Variants in SUCO observed in about 807,000 individuals in gnomAD.
The protein encoded by SUCO is SUN domain containing ossification factor.
SUCO carries 57 observed loss-of-function variants against 148.1 expected under a neutral mutation model. The observed-to-expected ratio is 0.38, with a 90% CI of 0.31 to 0.48. SUCO has a LOEUF of 0.48. SUCO is among the 20% of genes least tolerant of loss of function. The probability of loss-of-function intolerance (pLI) is 0.96; values close to 1 mark genes in which losing one functional copy is unlikely to be tolerated. For missense variants in SUCO, 1,331 were observed against 1,468.2 expected (o/e 0.91, Z 1.53); for synonymous variants, 470 against 502.7 (o/e 0.93, Z 0.87).
intron 22 of SUCO, among the ~76,000 whole-genome samples, chr1:172,604,243 G>T (rs1657712041): frequency 6.6e-6 from 1 of 151,688 alleles, no homozygotes; most frequent in Non-Finnish European, 1.5e-5. Context: ...ATTTTTTAGG[G>T]CCAAACAGAG....
At chr1:172,594,817 A>G (rs1389625930) in intron 19 of SUCO, among the ~76,000 whole-genome samples, 2 of 152,200 alleles carry the variant, frequency 1.3e-5, no homozygotes, top group Admixed American at 6.5e-5. Context: ...GCTGAGTTCA[A>G]GTCCTGGATA....
chr1:172,589,388 C>T lies in SUCO; in HGVS notation c.2287C>T (p.Pro763Ser). Residue 763 changes from proline (P) to serine (S), a missense_variant, in exon 18 of 24, where the codon CCA (proline) becomes TCA (serine). Transcript: ENST00000263688. The part of the protein sequence containing the change: ...VEYEAGHIPS[P>S]VIPQESSVEI... ...ATATGAGGCAGGACATATACCATCA[C>T]CAGTGATTCCCCAAGAGAGTTCTGT... 6.2e-7 allele frequency: 1 copy of T among 1,613,660 alleles called. No individual in the cohort carries two copies. The highest frequency in any genetic ancestry group is 8.5e-7 in the Non-Finnish European group (1 of 1,179,820).
At chr1:172,545,167 A>G (rs1214776831) in intron 1 of SUCO, among the ~76,000 whole-genome samples, 1 of 152,166 alleles carries the variant, frequency 6.6e-6, no homozygotes, top group Non-Finnish European at 1.5e-5. Flanking sequence ...AAAGGAAGCT[A>G]ATGTATTCAA....
chr1:172,590,282 A>C, intron 18 of SUCO: 1 of 967,584 alleles, frequency 1.0e-6, no homozygotes, highest in Non-Finnish European at 1.2e-6. Context: ...ATAGACCTTA[A>C]AGCTTTTAGT....
At chr1:172,588,638 A>C (rs1656399513) in intron 17 of SUCO, 122 bp from the exon 18 acceptor site, 1 of 1,266,336 alleles carries the variant, frequency 7.9e-7, no homozygotes, top group African/African-American at 1.5e-5. Flanking sequence ...TTATCCAAAA[A>C]CAAATTTCTT....
At chr1:172,548,455 A>G (rs1013896380) in intron 1 of SUCO, among the ~76,000 whole-genome samples, 3 of 151,604 alleles carry the variant, frequency 2.0e-5, no homozygotes, top group Non-Finnish European at 4.4e-5. Context: ...GTTTCTTTGC[A>G]TTTGTACTCT....
chr1:172,562,459 A>G lies in SUCO; in HGVS notation c.732+4665A>G, dbSNP rs368549618. Among the ~76,000 whole-genome samples the G allele has an allele frequency of 8.6e-5, 13 of 151,022 alleles. No individual in the cohort carries two copies. The East Asian group carries it at 2.3e-3, about 27-fold the overall frequency. ...AGTGATTCTCTTGCCTCAGCCTCCC[A>G]TAGCTGGGACTACAGGCGTGCACCA... On this transcript the variant is annotated intron_variant, in intron 6 of 23. Transcript: ENST00000263688.
At position 172,585,966 on chromosome 1, in the gene SUCO, A is replaced by G. The variant is rs775254542; in HGVS notation, c.1658+18A>G. ...TCTCCTGAGTAAGTTATAATGTGAT[A>G]TTAAATAGAATTTTGTTACAATGGA... On this transcript the variant is annotated intron_variant, in intron 17 of 23. Transcript: ENST00000263688. The G allele has an allele frequency of 4.7e-6, 7 of 1,487,590 alleles. No homozygotes were observed. In the African/African-American group the frequency reaches 9.9e-5, roughly 21 times the overall value. 92.1% of individuals were successfully genotyped at this position (1,487,590 alleles called of 1,614,324 possible).
chr1:172,588,258 T>C lies in SUCO; in HGVS notation c.1659-502T>C, dbSNP rs918788480. 4.1e-6 allele frequency: 4 copies of C among 985,338 alleles called. No individual in the cohort carries two copies. In the South Asian group the frequency reaches 1.4e-4, roughly 35 times the overall value. The allele number at this position is 985,338 out of a possible 1,614,324, so 61.0% of individuals were successfully genotyped here. ...ATGTTTGAGACCAACCTAGCTGCCT[T>C]TTGAAAATAGGGTATTCAAGTACAA... On this transcript the variant is annotated intron_variant, in intron 17 of 23. Coordinates refer to ENST00000263688, the MANE Select transcript of SUCO (RefSeq NM_014283.5).
At chr1:172,592,619 CT>C (rs1418997927) in intron 19 of SUCO, among the ~76,000 whole-genome samples, 2 of 152,168 alleles carry the variant, frequency 1.3e-5, no homozygotes, top group Non-Finnish European at 2.9e-5. Flanking sequence ...GGGTTCTGTT[CT>C]GTTCCATTGG....
chr1:172,572,207 A>G (rs1655068942), intron 9 of SUCO, among the ~76,000 whole-genome samples: 1 of 148,626 alleles, frequency 6.7e-6, no homozygotes, highest in Admixed American at 6.7e-5. Flanking sequence ...TGTACCCAAC[A>G]GCTCATTGAG....
intron 19 of SUCO, among the ~76,000 whole-genome samples, chr1:172,593,277 G>A (rs937492975): frequency 1.3e-5 from 2 of 152,124 alleles, no homozygotes; most frequent in African/African-American, 4.8e-5. Flanking sequence ...TCTTTCTCCT[G>A]CCTGATTGCC....
intron 19 of SUCO, among the ~76,000 whole-genome samples, chr1:172,596,095 C>T (rs1657075268): frequency 1.3e-5 from 2 of 152,290 alleles, no homozygotes; most frequent in South Asian, 4.1e-4. Flanking sequence ...GTGCATGAGT[C>T]ACGTAGTTCT....
intron 23 of SUCO, chr1:172,609,214 C>T: frequency 1.1e-6 from 1 of 925,348 alleles, no homozygotes; most frequent in Non-Finnish European, 1.3e-6. Context: ...TGATGTTATC[C>T]TCATTTTTTT....
intron 13 of SUCO, among the ~76,000 whole-genome samples, 167 bp downstream of exon 13, chr1:172,577,986 T>C (rs1655580283): frequency 7.1e-6 from 1 of 141,042 alleles, no homozygotes; most frequent in Admixed American, 7.0e-5. Flanking sequence ...TGTCAAAATA[T>C]CCTCTTTTAA....
chr1:172,578,203 A>G (rs1655600268), intron 13 of SUCO, 95 bp from the exon 14 acceptor site: 3 of 979,718 alleles, frequency 3.1e-6, no homozygotes, highest in South Asian at 2.9e-5. Flanking sequence ...GGCCCTCAAA[A>G]TATGACCAAA....
chr1:172,563,518 A>G (rs1175706078), intron 6 of SUCO, among the ~76,000 whole-genome samples: 1 of 152,210 alleles, frequency 6.6e-6, no homozygotes, highest in Admixed American at 6.5e-5. Flanking sequence ...GAGAGAGATG[A>G]TTTAGGGTAT....
chr1:172,570,399 A>G, intron 8 of SUCO: 1 of 482,568 alleles, frequency 2.1e-6, no homozygotes. Flanking sequence ...GAAATTTTAA[A>G]AAGGAAATAA....
chr1:172,570,308 C>T, intron 8 of SUCO, 137 bp downstream of exon 8: 1 of 510,854 alleles, frequency 2.0e-6, no homozygotes. Flanking sequence ...ATATACTTTT[C>T]AAAACATTAT....
Sources: gnomAD v4.1 joint callset for allele counts (sites outside exome capture counted in the v4.1 genomes callset) on GRCh38, gnomAD v4.1.1 for gene constraint, MANE v1.5 for transcripts, NCBI Gene and HGNC (gene_info 2026-07-23, HGNC 2026-07-21) for gene names.